The following STARD9 variants were observed in gnomAD, a reference collection of about 807,000 sequenced individuals.
STARD9 encodes the protein stAR-related lipid transfer protein 9.
Under a neutral mutation model 399.8 loss-of-function variants are expected in STARD9, and 346 were observed. The observed-to-expected ratio is 0.87, with a 90% CI of 0.79 to 0.95. The LOEUF (loss-of-function observed/expected upper bound fraction) is 0.95. STARD9 is among the 40% of genes least tolerant of loss of function. STARD9 has a pLI of 0.00. For missense variants in STARD9, 5,832 were observed against 5,667.5 expected (o/e 1.03, Z -0.93); for synonymous variants, 2,203 against 2,143.5 (o/e 1.03, Z -0.77).
In STARD9 at chr15:42,687,077, T is replaced by C; in HGVS notation, c.5499T>C (p.Gly1833=). Reference sequence around the variant, plus strand: ...CCAGGGAAGTCATCAGAGAATCAGGTAAATGCCCTGGAAATATTACAGAAG... The same window carrying C: ...CCAGGGAAGTCATCAGAGAATCAGGCAAATGCCCTGGAAATATTACAGAAG... The part of the protein sequence containing the change: ...LNTREVIRES[G]KCPGNITEES... The change falls in exon 23 of 33, where the codon GGT becomes GGC. Residue 1833 remains glycine, a synonymous_variant. Coordinates refer to ENST00000290607, the MANE Select transcript of STARD9 (RefSeq NM_020759.3). 6.5e-7 allele frequency: 1 copy of C among 1,537,228 alleles called. No individual in the cohort carries two copies. Among genetic ancestry groups the C allele is most frequent in the Non-Finnish European group, 8.7e-7 (1 of 1,146,912 alleles).
intron 20 of STARD9, among the ~76,000 whole-genome samples, chr15:42,679,924 G>A (rs558732473): frequency 6.6e-5 from 10 of 152,294 alleles, no homozygotes; most frequent in South Asian, 2.1e-4. Context: ...CCCTTACAGC[G>A]TATGGGTCAT....
At chr15:42,658,483 C>CT (rs533409304) in intron 9 of STARD9, among the ~76,000 whole-genome samples, 7,840 of 134,950 alleles carry the variant, frequency 0.058, 370 homozygotes, top group African/African-American at 0.13. Context: ...GCCTTTTGCA[C>CT]TTTTTTTTTT....
intron 3 of STARD9, among the ~76,000 whole-genome samples, chr15:42,614,705 G>A (rs1313265457): frequency 6.6e-6 from 1 of 152,102 alleles, no homozygotes. Context: ...GGTGGCTCAC[G>A]CCTGTAATCC....
At position 42,575,686 on chromosome 15, in the gene STARD9, G is replaced by T; in HGVS notation, c.-30G>T. Reference sequence around the variant, plus strand: ...GGGCCTGGGATGCTGCCGCTGAGCTGACCCGCTGGACTTGGGTTGTGGCAG... The same window carrying T: ...GGGCCTGGGATGCTGCCGCTGAGCTTACCCGCTGGACTTGGGTTGTGGCAG... On this transcript the variant is annotated 5_prime_UTR_variant, in exon 1 of 33. An upstream open reading frame in the 5' UTR loses its in-frame stop. Transcript: ENST00000290607. 1 of 1,536,100 alleles carries T rather than the reference G, an allele frequency of 6.5e-7. No individual in the cohort carries two copies. Among genetic ancestry groups the T allele is most frequent in the Non-Finnish European group, 8.7e-7 (1 of 1,146,666 alleles).
At chr15:42,603,883 A>G (rs1256874173) in intron 3 of STARD9, among the ~76,000 whole-genome samples, 1 of 152,174 alleles carries the variant, frequency 6.6e-6, no homozygotes, top group Non-Finnish European at 1.5e-5. Context: ...ACCAAAGGAA[A>G]AATACTTCAG....
intron 26 of STARD9, among the ~76,000 whole-genome samples, chr15:42,696,228 A>G (rs2060844166): frequency 6.6e-6 from 1 of 152,250 alleles, no homozygotes; most frequent in Admixed American, 6.5e-5. Flanking sequence ...TTGCTAAACC[A>G]GCATAAAACC....
At chr15:42,626,414 C>T (rs1411605995) in intron 3 of STARD9, among the ~76,000 whole-genome samples, 2 of 145,600 alleles carry the variant, frequency 1.4e-5, no homozygotes, top group African/African-American at 2.6e-5. Context: ...CTTCTTCCTC[C>T]TCCTCCTCCT....
intron 9 of STARD9, among the ~76,000 whole-genome samples, chr15:42,660,327 G>A (rs2059969176): frequency 6.6e-6 from 1 of 152,148 alleles, no homozygotes; most frequent in African/African-American, 2.4e-5. Flanking sequence ...CACTTTGGGA[G>A]GCCGAGGCAG....
rs188803408 is a variant in STARD9, at chr15:42,621,113, C to T, written c.235-13743C>T. ...CATGATTACATTCAGATTATGTATC[C>T]TTGATACCAGTATCACTGAATTTAC... is the stretch of plus-strand genomic sequence containing the variant. On this transcript the variant is annotated intron_variant, in intron 3 of 32. Transcript: ENST00000290607. Among the ~76,000 whole-genome samples the T allele has an allele frequency of 4.6e-5, 7 of 152,290 alleles. No individual in the cohort carries two copies. The East Asian group carries it at 1.3e-3, about 29-fold the overall frequency.
rs747996193 is a variant in STARD9, at chr15:42,684,569, G to A, written c.2991G>A (p.Gly997=). 11 of 1,537,066 alleles carry A rather than the reference G, an allele frequency of 7.2e-6. No homozygotes were observed. Among genetic ancestry groups the A allele is most frequent in the Non-Finnish European group, 9.6e-6 (11 of 1,146,922 alleles). The change falls in exon 23 of 33, where the codon GGG becomes GGA. Residue 997 remains glycine (G), a synonymous_variant. Transcript: ENST00000290607. Reference sequence around the variant, plus strand: ...GGTGGCGAAAAGAAGGGAACCTTGGGACCCACAAGGCTGCTAAGGGAGCCA... The same window carrying A: ...GGTGGCGAAAAGAAGGGAACCTTGGAACCCACAAGGCTGCTAAGGGAGCCA... The part of the protein sequence containing the change: ...QAGWRKEGNL[G]THKAAKGASC...
chr15:42,699,392 C>CTTTTCTTTTTTTTTTTTTTTTTTTTTT (rs1359323091), intron 26 of STARD9, among the ~76,000 whole-genome samples: 10 of 113,280 alleles, frequency 8.8e-5, no homozygotes, highest in African/African-American at 3.7e-4. Flanking sequence ...TTTTTCTTTT[C>CTTTTCTTTTTTTTTTTTTTTTTTTTTT]TTTTTTTTTT....
intron 26 of STARD9, among the ~76,000 whole-genome samples, chr15:42,699,006 A>G (rs2060903073): frequency 1.0e-5 from 1 of 95,830 alleles, no homozygotes; most frequent in Admixed American, 1.3e-4. Flanking sequence ...TTACCAGAGT[A>G]TTCTTTCTTG....
chr15:42,716,542 C>T (rs2061354149), intron 26 of STARD9, 135 bp from the exon 27 acceptor site: 1 of 626,156 alleles, frequency 1.6e-6, no homozygotes, highest in Non-Finnish European at 2.9e-6. Context: ...GGACATCGAG[C>T]CTCTTGTATT....
chr15:42,629,320 A>G (rs538275463), intron 3 of STARD9, among the ~76,000 whole-genome samples: 5 of 152,282 alleles, frequency 3.3e-5, no homozygotes, highest in South Asian at 2.1e-4. Context: ...TGCCTGGCCT[A>G]TAGTTTTCAT....
At chr15:42,603,601 T>G (rs1007459731) in intron 3 of STARD9, among the ~76,000 whole-genome samples, 2 of 152,000 alleles carry the variant, frequency 1.3e-5, no homozygotes, top group African/African-American at 4.8e-5. Context: ...GCCCAGAGTT[T>G]ATTACTCAAA....
chr15:42,695,293 C>T lies in STARD9; in HGVS notation c.13116C>T (p.Ile4372=). The T allele has an allele frequency of 6.5e-7, 1 of 1,536,112 alleles. No homozygotes were observed. Among genetic ancestry groups the T allele is most frequent in the Non-Finnish European group, 8.7e-7 (1 of 1,146,172 alleles). Residue 4372 remains isoleucine (I), a synonymous_variant, in exon 25 of 33, where the codon ATC becomes ATT. Coordinates refer to ENST00000290607, the MANE Select transcript of STARD9 (RefSeq NM_020759.3). ...RERTEQEKLR[I]HQKIISQLLK... is the part of the protein sequence containing the mutation. ...GGACTGAACAAGAGAAGCTGAGAAT[C>T]CACCAGAAGATCATTTCCCAGCTAT...
chr15:42,700,771 C>T (rs555807667), intron 26 of STARD9, among the ~76,000 whole-genome samples: 6 of 152,188 alleles, frequency 3.9e-5, no homozygotes, highest in South Asian at 2.1e-4. Context: ...CTTTTTAGTT[C>T]GATGTAACCT....
rs1241406282 is a variant in STARD9, at chr15:42,692,658, C to T, written c.11080C>T (p.Leu3694=). The part of the protein sequence containing the change: ...LSQLLHSTSE[L]LGSLSQPDVA... The stretch of plus-strand genomic sequence containing the variant: ...ACAGCTCCTGCACAGTACCTCAGAG[C>T]TGCTTGGGAGTCTCTCCCAGCCAGA... Residue 3694 remains leucine, a synonymous_variant, in exon 23 of 33, where the codon CTG becomes TTG. Transcript: ENST00000290607. 8 of 1,537,100 alleles carry T rather than the reference C, an allele frequency of 5.2e-6. No individual in the cohort carries two copies. Among genetic ancestry groups the T allele is most frequent in the Non-Finnish European group, 7.0e-6 (8 of 1,146,926 alleles).
Position 42,693,334 on chromosome 15 carries a change from C to A in STARD9, c.11756C>A (p.Thr3919Asn). Residue 3919 changes from threonine to asparagine, a missense_variant, in exon 23 of 33, where the codon ACC becomes AAC. Physicochemically the swap from Thr to Asn is moderately conservative, Grantham distance 65. Around this residue, in one of 2 missense-constraint regions of STARD9, gnomAD observed 5,828 missense variants for 5,651.1 expected, o/e 1.03. Transcript: ENST00000290607. ...QEPGLSPGSLTLSAPSTHPVE... is the reference protein window; with the variant it reads ...QEPGLSPGSLNLSAPSTHPVE... ...CCGGGTCTTTCCCCAGGCTCTTTGACCCTCTCAGCCCCTTCAACTCACCCT... is the reference window on the plus strand; with the variant it reads ...CCGGGTCTTTCCCCAGGCTCTTTGAACCTCTCAGCCCCTTCAACTCACCCT... 1 of 1,537,148 alleles carries A rather than the reference C, an allele frequency of 6.5e-7. No homozygotes were observed. The highest frequency in any genetic ancestry group is 1.2e-5 in the South Asian group (1 of 84,046).
Sources: gnomAD v4.1 joint callset for allele counts (sites outside exome capture counted in the v4.1 genomes callset) on GRCh38, gnomAD v4.1.1 for gene constraint, gnomAD v4.1.1 regional missense constraint, MANE v1.5 for transcripts, NCBI Gene and HGNC (gene_info 2026-07-23, HGNC 2026-07-21) for gene names.